The following CAMK2A variants were observed in gnomAD, a reference collection of about 807,000 sequenced individuals.
The protein encoded by CAMK2A is calcium/calmodulin dependent protein kinase II alpha, also known as calcium/calmodulin-dependent protein kinase type II subunit alpha.
In CAMK2A, 7 loss-of-function variants were observed where a neutral mutation model predicts 79.2. The ratio of observed to expected loss-of-function variants is 0.09; its 90% confidence interval spans 0.05 to 0.17. The LOEUF (loss-of-function observed/expected upper bound fraction) is 0.17. Among genes scored for constraint, CAMK2A ranks in the 10% least tolerant of loss-of-function variants. CAMK2A has a pLI of 1.00. For missense variants in CAMK2A, 214 were observed against 646.4 expected (o/e 0.33, Z 7.25); for synonymous variants, 242 against 251.7 (o/e 0.96, Z 0.36).
chr5:150,228,355 T>C (rs1754696097), intron 16 of CAMK2A, 69 bp from the exon 17 acceptor site: 2 of 1,092,018 alleles, frequency 1.8e-6, no homozygotes, highest in Admixed American at 4.2e-5. Flanking sequence ...AGGGTGAGCC[T>C]GTGAAATAGG....
chr5:150,251,300 C>G (rs1184105694), intron 9 of CAMK2A, among the ~76,000 whole-genome samples: 2 of 152,190 alleles, frequency 1.3e-5, no homozygotes, highest in East Asian at 3.9e-4. Context: ...TGGTTCAAAT[C>G]CCACCTCTAC....
intron 15 of CAMK2A, among the ~76,000 whole-genome samples, chr5:150,236,788 G>A (rs765089005): frequency 2.0e-5 from 3 of 152,252 alleles, no homozygotes; most frequent in Non-Finnish European, 4.4e-5. Context: ...GGCTGGGAAT[G>A]TGGTTAGAAC....
Position 150,221,748 on chromosome 5 carries a change from A to G in CAMK2A, c.*962T>C, listed in dbSNP as rs1580889441. ...GGTGACAAGGTCCACCTCAGAGATGACAAAAAAAAAAAAAAAAACTAGAAC... is the reference window on the plus strand; with the variant it reads ...GGTGACAAGGTCCACCTCAGAGATGGCAAAAAAAAAAAAAAAAACTAGAAC... On this transcript the variant is annotated 3_prime_UTR_variant, in exon 19 of 19. Transcript: ENST00000671881. 2.0e-5 allele frequency: 7 copies of G among 348,438 alleles called. No individual in the cohort carries two copies. The East Asian group carries it at 2.6e-4, about 13-fold the overall frequency. 21.6% of individuals were successfully genotyped at this position (348,438 alleles called of 1,614,324 possible). A position where few individuals can be genotyped will look rare whatever the true frequency, so the allele number is the denominator to read the frequency against.
chr5:150,268,433 C>T (rs13357922), intron 2 of CAMK2A, among the ~76,000 whole-genome samples: 73,774 of 151,924 alleles, frequency 0.49, 20,340 homozygotes, highest in African/African-American at 0.77. Context: ...CCCGGCACAA[C>T]GTCACCTCCT....
In CAMK2A at chr5:150,256,841, C is replaced by T. The variant is rs1367804116; in HGVS notation, c.273-10G>A. On this transcript the variant is annotated splice_polypyrimidine_tract_variant and intron_variant, in intron 4 of 18. Transcript: ENST00000671881. The surrounding 1 kb of genome is among the most constrained non-coding windows in gnomAD (Gnocchi z 4.6). ...TTCCCCACCAGTGACCCTGGGGAGA[C>T]AGGCATGGAATCACCCTCTAATAGA... The T allele has an allele frequency of 3.7e-6, 6 of 1,612,366 alleles. No homozygotes were observed. In the South Asian group the frequency reaches 4.4e-5, roughly 12 times the overall value.
intron 3 of CAMK2A, among the ~76,000 whole-genome samples, chr5:150,257,821 G>A (rs1756126522): frequency 6.6e-6 from 1 of 152,226 alleles, no homozygotes; most frequent in African/African-American, 2.4e-5. Context: ...ATTACTGAAA[G>A]AGGGCTGGGC....
intron 15 of CAMK2A, among the ~76,000 whole-genome samples, chr5:150,234,140 A>G (rs1309373953): frequency 6.6e-6 from 1 of 152,130 alleles, no homozygotes; most frequent in Non-Finnish European, 1.5e-5. Flanking sequence ...CCACTCCCAC[A>G]TGGAATCAGG....
chr5:150,227,230 T>C (rs1269032917), intron 17 of CAMK2A, among the ~76,000 whole-genome samples: 2 of 152,184 alleles, frequency 1.3e-5, no homozygotes, highest in East Asian at 3.9e-4. Flanking sequence ...GAGATTTGCT[T>C]TCTCTTTGAT....
intron 6 of CAMK2A, among the ~76,000 whole-genome samples, chr5:150,253,878 C>CAGT (rs202154631): frequency 0.028 from 4,193 of 152,274 alleles, 205 homozygotes; most frequent in African/African-American, 0.096. Context: ...GCAGCAGCAG[C>CAGT]ATTGATTGTG....
chr5:150,254,249 T>C (rs1362080825), intron 6 of CAMK2A, among the ~76,000 whole-genome samples: 3 of 152,340 alleles, frequency 2.0e-5, no homozygotes, highest in Admixed American at 2.0e-4. Flanking sequence ...TTTTCTCCCA[T>C]CTGTCTATGT....
In CAMK2A at chr5:150,222,340, C is replaced by A. The variant is rs932595865; in HGVS notation, c.*370G>T. The A allele has an allele frequency of 1.6e-6, 1 of 608,194 alleles. No homozygotes were observed. Among genetic ancestry groups the A allele is most frequent in the African/African-American group, 2.0e-5 (1 of 50,860 alleles). The allele number at this position is 608,194 out of a possible 1,614,324, so 37.7% of individuals were successfully genotyped here. ...GATGCTGCCTTCCTCATCATGCCAC[C>A]CCTCCTTCTCCCCAGCCCCTGGTGG... On this transcript the variant is annotated 3_prime_UTR_variant, in exon 19 of 19. Coordinates refer to ENST00000671881, the MANE Select transcript of CAMK2A (RefSeq NM_015981.4).
intron 1 of CAMK2A, among the ~76,000 whole-genome samples, chr5:150,288,494 C>T (rs1457391445): frequency 6.6e-6 from 1 of 152,268 alleles, no homozygotes; most frequent in South Asian, 2.1e-4. Context: ...GTGTCACAAG[C>T]AATTTCCCTC....
At chr5:150,280,871 C>T (rs1049841857) in intron 1 of CAMK2A, among the ~76,000 whole-genome samples, 7 of 152,232 alleles carry the variant, frequency 4.6e-5, no homozygotes, top group African/African-American at 1.4e-4. Context: ...ACCACTCCTG[C>T]CCATCCCCTC....
At chr5:150,274,944 A>AAGGCAGAGGAGGATGCTGGC (rs1756889524) in intron 1 of CAMK2A, among the ~76,000 whole-genome samples, 1 of 152,258 alleles carries the variant, frequency 6.6e-6, no homozygotes. Flanking sequence ...TGAGGCTGAC[A>AAGGCAGAGGAGGATGCTGGC]AGGCAGAGGA....
At chr5:150,259,054 C>A (rs1392355995) in intron 3 of CAMK2A, among the ~76,000 whole-genome samples, 2 of 151,964 alleles carry the variant, frequency 1.3e-5, no homozygotes, top group Non-Finnish European at 2.9e-5. Context: ...GTGGCCCATG[C>A]TTATAATCCC....
At chr5:150,276,389 C>T (rs1176267915) in intron 1 of CAMK2A, among the ~76,000 whole-genome samples, 1 of 152,130 alleles carries the variant, frequency 6.6e-6, no homozygotes, top group African/African-American at 2.4e-5. Context: ...ATGAGTGTTA[C>T]TTGCAGGAGA....
At chr5:150,286,795 C>T (rs1283261098) in intron 1 of CAMK2A, among the ~76,000 whole-genome samples, 9 of 152,178 alleles carry the variant, frequency 5.9e-5, no homozygotes, top group Non-Finnish European at 8.8e-5. Flanking sequence ...GATGGGCCAA[C>T]TCCAGACAAA....
At chr5:150,270,683 C>T (rs1756712785) in intron 2 of CAMK2A, among the ~76,000 whole-genome samples, 1 of 152,032 alleles carries the variant, frequency 6.6e-6, no homozygotes, top group Admixed American at 6.5e-5. Flanking sequence ...AGAAAAGCGG[C>T]TGGCAGTTGG....
chr5:150,245,725 C>A (rs1008901776), intron 12 of CAMK2A, among the ~76,000 whole-genome samples: 3 of 152,236 alleles, frequency 2.0e-5, no homozygotes, highest in Non-Finnish European at 4.4e-5. Context: ...TGGGGCCCAC[C>A]CTGCCAGAGC....
Sources: allele counts gnomAD v4.1 joint callset (sites outside exome capture counted in the v4.1 genomes callset), GRCh38; gene constraint gnomAD v4.1.1; non-coding constraint Gnocchi (gnomAD v3.1); transcripts MANE v1.5; gene names NCBI Gene and HGNC (gene_info 2026-07-23, HGNC 2026-07-21).